Variants in GABBR2 observed in about 807,000 individuals in gnomAD.
GABBR2 encodes G-protein coupled receptor 51.
In GABBR2, 23 loss-of-function variants were observed where a neutral mutation model predicts 105.6. The ratio of observed to expected loss-of-function variants is 0.22; its 90% CI spans 0.16 to 0.31. The LOEUF is 0.31. Ranked by LOEUF, GABBR2 falls within the 10% of genes least tolerant of loss-of-function variation. The probability of loss-of-function intolerance (pLI) is 1.00; values close to 1 mark genes in which losing one functional copy is unlikely to be tolerated. For synonymous variants in GABBR2, 478 were observed against 499.7 expected (o/e 0.96, Z 0.58); for missense variants, 734 against 1,245.5 (o/e 0.59, Z 6.18).
chr9:98,673,972 T>C (rs1485036180), intron 1 of GABBR2, among the ~76,000 whole-genome samples: 1 of 152,174 alleles, frequency 6.6e-6, no homozygotes, highest in Admixed American at 6.5e-5. Context: ...CCTGTCCACA[T>C]ACCCCACATC....
chr9:98,457,685 A>G (rs2131608545), intron 6 of GABBR2, among the ~76,000 whole-genome samples: 1 of 152,302 alleles, frequency 6.6e-6, no homozygotes, highest in South Asian at 2.1e-4. Context: ...AGGTGACCTC[A>G]GTTCTTGCTG....
chr9:98,690,895 T>G (rs1341028699), intron 1 of GABBR2, among the ~76,000 whole-genome samples: 1 of 152,190 alleles, frequency 6.6e-6, no homozygotes, highest in Non-Finnish European at 1.5e-5. Context: ...GCACCAGCCT[T>G]CTGCCCTGTG....
chr9:98,570,953 C>T (rs1828821121), intron 2 of GABBR2, among the ~76,000 whole-genome samples: 2 of 152,222 alleles, frequency 1.3e-5, no homozygotes, highest in African/African-American at 2.4e-5. Flanking sequence ...ACCTGGCTCT[C>T]CGTCAGCAAA....
chr9:98,299,784 G>T (rs1217978443), intron 16 of GABBR2, among the ~76,000 whole-genome samples: 1 of 152,146 alleles, frequency 6.6e-6, no homozygotes, highest in Non-Finnish European at 1.5e-5. Flanking sequence ...TACCTCAGGG[G>T]GAGGTTGTGC....
At chr9:98,673,514 A>T (rs1252880617) in intron 1 of GABBR2, among the ~76,000 whole-genome samples, 1 of 151,900 alleles carries the variant, frequency 6.6e-6, no homozygotes, top group Non-Finnish European at 1.5e-5. Context: ...GGAGAAAATT[A>T]TTATACTTTA....
intron 3 of GABBR2, among the ~76,000 whole-genome samples, chr9:98,507,830 C>G (rs1401192797): frequency 6.6e-6 from 1 of 152,156 alleles, no homozygotes; most frequent in African/African-American, 2.4e-5. Flanking sequence ...CCTCCAGATG[C>G]CTAGCACAGG....
intron 13 of GABBR2, among the ~76,000 whole-genome samples, chr9:98,359,762 T>C (rs1227111646): frequency 6.6e-6 from 1 of 152,220 alleles, no homozygotes; most frequent in Non-Finnish European, 1.5e-5. Flanking sequence ...CCATGGAAGA[T>C]GCCGGCCGTG....
Position 98,303,288 on chromosome 9 carries a change from C to T in GABBR2, c.2365G>A (p.Glu789Lys). 6.2e-7 allele frequency: 1 copy of T among 1,614,162 alleles called. No homozygotes were observed. Among genetic ancestry groups the T allele is most frequent in the Non-Finnish European group, 8.5e-7 (1 of 1,180,020 alleles). ...SVNQASTSRL[E>K]GLQSENHRLR... ...CGATGGTTTTCTGACTGTAGGCCCT[C>T]CAGGCGGGATGTGCTGGCTTGGTTC... Residue 789 changes from glutamate (E) to lysine (K), a missense_variant, in exon 16 of 19, where the codon GAG (glutamate) becomes AAG (lysine). Transcript: ENST00000259455.
intron 3 of GABBR2, among the ~76,000 whole-genome samples, chr9:98,506,770 C>T (rs1827520684): frequency 6.6e-6 from 1 of 152,200 alleles, no homozygotes; most frequent in Non-Finnish European, 1.5e-5. Context: ...CTACACACAT[C>T]AAGACCTCAT....
chr9:98,427,924 T>C (rs1825726997), intron 7 of GABBR2, among the ~76,000 whole-genome samples: 1 of 152,154 alleles, frequency 6.6e-6, no homozygotes, highest in Non-Finnish European at 1.5e-5. Context: ...TAGTGAGCCT[T>C]AGAATGACTG....
chr9:98,673,587 A>AT (rs1472381251), intron 1 of GABBR2, among the ~76,000 whole-genome samples: 1 of 46,520 alleles, frequency 2.1e-5, no homozygotes, highest in Non-Finnish European at 6.2e-5. Flanking sequence ...TCTAAGTTGA[A>AT]AAAAAAAAAC....
intron 1 of GABBR2, among the ~76,000 whole-genome samples, chr9:98,626,730 A>T (rs1829742261): frequency 6.6e-6 from 1 of 152,190 alleles, no homozygotes; most frequent in Non-Finnish European, 1.5e-5. Context: ...AAGCAACACC[A>T]AGCATTTGCA....
At chr9:98,618,790 C>T (rs964215023) in intron 1 of GABBR2, among the ~76,000 whole-genome samples, 8 of 145,264 alleles carry the variant, frequency 5.5e-5, no homozygotes, top group African/African-American at 2.1e-4. Flanking sequence ...GTAATCATGA[C>T]AGAAAGACTC....
chr9:98,485,304 G>A (rs1260978832), intron 4 of GABBR2, among the ~76,000 whole-genome samples: 5 of 152,188 alleles, frequency 3.3e-5, no homozygotes, highest in African/African-American at 9.7e-5. Flanking sequence ...GGAAAATGGG[G>A]AGGGGTATTC....
rs533161216 is a variant in GABBR2 at position 98,653,162 on chromosome 9, G to A, written c.321+55255C>T. Among the ~76,000 whole-genome samples the A allele has an allele frequency of 2.0e-5, 3 of 152,276 alleles. No homozygotes were observed. The East Asian group carries it at 5.8e-4, about 29-fold the overall frequency. The stretch of plus-strand genomic sequence containing the variant: ...CAGGCATATGCCCAAGCCCAGCTAA[G>A]TTATTATTTTTACTTTTTTAGAGAT... On this transcript the variant is annotated intron_variant, in intron 1 of 18. Transcript: ENST00000259455.
intron 3 of GABBR2, among the ~76,000 whole-genome samples, chr9:98,502,228 G>C (rs1439909401): frequency 6.6e-6 from 1 of 152,152 alleles, no homozygotes; most frequent in East Asian, 1.9e-4. Context: ...GGATGACTCG[G>C]AAGAATCTTC....
At chr9:98,682,453 G>A (rs529233510) in intron 1 of GABBR2, among the ~76,000 whole-genome samples, 44 of 129,338 alleles carry the variant, frequency 3.4e-4, no homozygotes, top group African/African-American at 1.3e-3. Context: ...ACAGCTCACT[G>A]CAACTTCTGC....
At chr9:98,410,149 G>C (rs1468441026) in intron 7 of GABBR2, among the ~76,000 whole-genome samples, 2 of 145,902 alleles carry the variant, frequency 1.4e-5, no homozygotes, top group Middle Eastern at 3.3e-3. Context: ...CTCCCACAAA[G>C]GTTGCACTTC....
intron 13 of GABBR2, among the ~76,000 whole-genome samples, chr9:98,312,357 C>T (rs35126377): frequency 0.21 from 32,532 of 152,104 alleles, 3,662 homozygotes; most frequent in Middle Eastern, 0.33. Context: ...TTTGTAGAAG[C>T]CCCTCAATTT....
Sources: gnomAD v4.1 joint callset for allele counts (sites outside exome capture counted in the v4.1 genomes callset) on GRCh38, gnomAD v4.1.1 for gene constraint, MANE v1.5 for transcripts, NCBI Gene and HGNC (gene_info 2026-07-23, HGNC 2026-07-21) for gene names.